Variants in TRAPPC3L observed in about 807,000 individuals in gnomAD.
TRAPPC3L encodes the protein trafficking protein particle complex subunit 3L, also known as trafficking protein particle complex subunit 3-like protein.
A neutral mutation model predicts 23.7 loss-of-function variants in TRAPPC3L; 23 were observed. The observed-to-expected ratio is 0.97, with a 90% CI of 0.70 to 1.37. The LOEUF (loss-of-function observed/expected upper bound fraction) is 1.37. Among genes scored for constraint, TRAPPC3L ranks in the 40% most tolerant of loss-of-function variants. TRAPPC3L has a pLI of 0.00. For missense variants in TRAPPC3L, 212 were observed against 216.8 expected (o/e 0.98, Z 0.14); for synonymous variants, 81 against 77.9 (o/e 1.04, Z -0.21).
At chr6:116,523,591 G>C (rs1279566218) in intron 3 of TRAPPC3L, 2 of 152,078 alleles carry the variant, frequency 1.3e-5, no homozygotes, top group African/African-American at 4.8e-5. Context: ...AGCAGAATGG[G>C]GTCAGACCTA....
chr6:116,541,227 A>T (rs1773433440), intron 2 of TRAPPC3L, among the ~76,000 whole-genome samples: 1 of 152,206 alleles, frequency 6.6e-6, no homozygotes, highest in African/African-American at 2.4e-5. Flanking sequence ...CTGAAAAACG[A>T]CTAGATTTCC....
chr6:116,534,406 C>T (rs1293179729), intron 3 of TRAPPC3L, among the ~76,000 whole-genome samples: 2 of 152,062 alleles, frequency 1.3e-5, no homozygotes, highest in Admixed American at 6.6e-5. Flanking sequence ...TATTTTCATT[C>T]GTCCTATAGA....
chr6:116,515,714 G>A, intron 3 of TRAPPC3L: 3 of 1,613,976 alleles, frequency 1.9e-6, no homozygotes, highest in Non-Finnish European at 1.7e-6. Context: ...GAAGACATAT[G>A]CACAAAAGGA....
intron 3 of TRAPPC3L, chr6:116,518,363 T>G (rs938423828): frequency 1.3e-5 from 2 of 152,144 alleles, no homozygotes; most frequent in African/African-American, 4.8e-5. Context: ...ACACAGTTGG[T>G]GGCAAGGAGT....
At chr6:116,515,983 T>C (rs1007677400) in intron 3 of TRAPPC3L, 21 of 1,587,842 alleles carry the variant, frequency 1.3e-5, no homozygotes, top group Non-Finnish European at 1.8e-5. Context: ...CTGCCCACAA[T>C]ATGTAGCTCA....
At chr6:116,503,200 A>G (rs1562336329) in intron 3 of TRAPPC3L, among the ~76,000 whole-genome samples, 1 of 149,204 alleles carries the variant, frequency 6.7e-6, no homozygotes, top group Non-Finnish European at 1.5e-5. Flanking sequence ...AAATGGAAAG[A>G]AAAAAAAAAG....
At chr6:116,511,770 T>C in intron 3 of TRAPPC3L, 1 of 1,614,112 alleles carries the variant, frequency 6.2e-7, no homozygotes, top group Non-Finnish European at 8.5e-7. Context: ...TTCATGGCTC[T>C]GCTGACCGTG....
intron 3 of TRAPPC3L, among the ~76,000 whole-genome samples, chr6:116,503,215 G>T (rs1198872716): frequency 1.3e-5 from 2 of 151,966 alleles, no homozygotes; most frequent in South Asian, 2.1e-4. Context: ...AAAAAGTAGG[G>T]GTTGCCATCC....
In TRAPPC3L at chr6:116,495,324, T is replaced by C. The variant is rs1771819514; in HGVS notation, c.*1630A>G. On this transcript the variant is annotated 3_prime_UTR_variant, in exon 5 of 5. Coordinates refer to ENST00000368602, the MANE Select transcript of TRAPPC3L (RefSeq NM_001139444.3). Reference sequence around the variant, plus strand: ...ACATAATGACCTCTAGTTCCATCCATGTTTTGCAAATGACAGGATCTCATT... The same window carrying C: ...ACATAATGACCTCTAGTTCCATCCACGTTTTGCAAATGACAGGATCTCATT... 6.6e-6 allele frequency: 1 copy of C among 152,046 alleles called. No individual in the cohort carries two copies. The highest frequency in any genetic ancestry group is 2.4e-5 in the African/African-American group (1 of 41,398). The allele number at this position is 152,046 out of a possible 1,614,324, so 9.4% of individuals were successfully genotyped here.
At chr6:116,536,623 T>C (rs1773110069) in intron 3 of TRAPPC3L, among the ~76,000 whole-genome samples, 8 of 152,220 alleles carry the variant, frequency 5.3e-5, no homozygotes, top group Admixed American at 5.2e-4. Context: ...TCCTTCTCTC[T>C]CTTTCCTTCC....
chr6:116,516,705 A>ATG (rs1772232666), intron 3 of TRAPPC3L: 1 of 141,046 alleles, frequency 7.1e-6, no homozygotes, highest in Non-Finnish European at 1.5e-5. Context: ...ATATATATAT[A>ATG]TATACACACA....
At chr6:116,513,497 G>T (rs1772164613) in intron 3 of TRAPPC3L, among the ~76,000 whole-genome samples, 1 of 152,176 alleles carries the variant, frequency 6.6e-6, no homozygotes, top group Non-Finnish European at 1.5e-5. Flanking sequence ...ACTTATCATT[G>T]TGTGAGCTTC....
chr6:116,537,895 T>A (rs1419167663), intron 3 of TRAPPC3L, among the ~76,000 whole-genome samples: 1 of 152,242 alleles, frequency 6.6e-6, no homozygotes, highest in Non-Finnish European at 1.5e-5. Context: ...ATGTACTTCC[T>A]ATTGGCATAT....
chr6:116,538,734 CT>C (rs531255700), intron 3 of TRAPPC3L, among the ~76,000 whole-genome samples: 637 of 140,882 alleles, frequency 4.5e-3, no homozygotes, highest in Non-Finnish European at 4.7e-3. Flanking sequence ...ATCTTTCTTT[CT>C]TTTTTTTTTT....
chr6:116,516,654 G>A (rs1772230478), intron 3 of TRAPPC3L: 2 of 111,256 alleles, frequency 1.8e-5, no homozygotes, highest in Admixed American at 1.0e-4. Context: ...CAAAATAGTA[G>A]TAACAAATAT....
At position 116,543,358 on chromosome 6, in the gene TRAPPC3L, G is replaced by T. The variant is rs1234849318; in HGVS notation, c.85C>A (p.Gln29Lys). 5 of 1,549,898 alleles carry T rather than the reference G, an allele frequency of 3.2e-6. No homozygotes were observed. The highest frequency in any genetic ancestry group is 4.4e-6 in the Non-Finnish European group (5 of 1,145,732). Residue 29 changes from glutamine (Q) to lysine (K), a missense_variant, in exon 2 of 5, where the codon CAG (glutamine) becomes AAG (lysine). By Grantham distance (53) the Gln-to-Lys change is moderately conservative. Coordinates refer to ENST00000368602, the MANE Select transcript of TRAPPC3L (RefSeq NM_001139444.3). ...FVLTYGALVAQLCKDYEKDED... is the reference protein window; with the variant it reads ...FVLTYGALVAKLCKDYEKDED... Reference sequence around the variant, plus strand: ...TCCTTCTCATAATCCTTACACAGCTGGGCAACCAGAGCTCCATAGGTAAGG... The same window carrying T: ...TCCTTCTCATAATCCTTACACAGCTTGGCAACCAGAGCTCCATAGGTAAGG...
At chr6:116,516,660 AATATATATATATATATATATATAT>A (rs57050552) in intron 3 of TRAPPC3L, 1,856 of 104,400 alleles carry the variant, frequency 0.018, 89 homozygotes, top group African/African-American at 0.071. Flanking sequence ...AGTAGTAACA[AATATATATATATATATATATATAT>A]ATATATATAT....
chr6:116,506,031 A>G (rs1028101685), intron 3 of TRAPPC3L, among the ~76,000 whole-genome samples: 2 of 152,212 alleles, frequency 1.3e-5, no homozygotes, highest in African/African-American at 4.8e-5. Context: ...ATCTAATTAA[A>G]CTAAAGAGCT....
At chr6:116,504,924 A>C (rs182084051) in intron 3 of TRAPPC3L, among the ~76,000 whole-genome samples, 54 of 152,338 alleles carry the variant, frequency 3.5e-4, no homozygotes, top group South Asian at 1.0e-3. Context: ...TTGAATGGGC[A>C]AAAACTGGAA....
Sources: gnomAD v4.1 joint callset for allele counts (sites outside exome capture counted in the v4.1 genomes callset) on GRCh38, gnomAD v4.1.1 for gene constraint, MANE v1.5 for transcripts, NCBI Gene and HGNC (gene_info 2026-07-23, HGNC 2026-07-21) for gene names.